Variants in PLPP1 observed in about 807,000 individuals in gnomAD.
PLPP1 encodes the protein phospholipid phosphatase 1, also known as lipid phosphate phosphohydrolase 1a.
PLPP1 carries 24 observed loss-of-function variants against 31.2 expected under a neutral mutation model. The ratio of observed to expected loss-of-function variants is 0.77; its 90% CI spans 0.56 to 1.08. The LOEUF (loss-of-function observed/expected upper bound fraction) is 1.08. Ranked by LOEUF, PLPP1 falls within the 50% of genes least tolerant of loss-of-function variation. PLPP1 has a pLI of 0.00. For missense variants in PLPP1, 319 were observed against 342.7 expected (o/e 0.93, Z 0.55); for synonymous variants, 146 against 126.3 (o/e 1.16, Z -1.05).
intron 4 of PLPP1, among the ~76,000 whole-genome samples, chr5:55,436,967 T>A (rs1751506584): frequency 6.6e-6 from 1 of 152,164 alleles, no homozygotes; most frequent in African/African-American, 2.4e-5. Flanking sequence ...AATGACCTAA[T>A]AAGAGATCCA....
chr5:55,519,196 A>G lies in PLPP1; in HGVS notation c.58+15376T>C, dbSNP rs112701023. 5.9e-3 allele frequency among the ~76,000 whole-genome samples: 897 copies of G among 152,346 alleles called. 8 individuals are homozygous for G. The highest frequency in any genetic ancestry group is 0.021 in the African/African-American group (863 of 41,580). ...TAATATAGATATCCACACTAGCCAT[A>G]AAGTTGAACATTATCCATAACCTGC... On this transcript the variant is annotated intron_variant, in intron 1 of 5. Transcript: ENST00000307259.
At position 55,475,402 on chromosome 5, in the gene PLPP1, C is replaced by T. The variant is rs528267787; in HGVS notation, c.107G>A (p.Arg36Gln). The change falls in exon 2 of 6, where the codon CGA becomes CAA. Residue 36 changes from arginine (R) to glutamine (Q), a missense_variant. By Grantham distance (43) the Arg-to-Gln change is conservative. Coordinates refer to ENST00000307259, the MANE Select transcript of PLPP1 (RefSeq NM_003711.4). ...ILTSRHTPFQ[R>Q]GVFCNDESIK... ...GGACTCATCATTACAGAATACTCCT[C>T]GTTGGAAGGGGGTATGCCTTGAAGT... is the stretch of plus-strand genomic sequence containing the variant. 738 of 1,612,448 alleles carry T rather than the reference C, an allele frequency of 4.6e-4. 6 individuals carry two copies. The South Asian group carries it at 7.5e-3, about 16-fold the overall frequency.
chr5:55,434,810 G>A (rs550711922), intron 4 of PLPP1, among the ~76,000 whole-genome samples: 1 of 152,240 alleles, frequency 6.6e-6, no homozygotes, highest in East Asian at 1.9e-4. Context: ...ACTAATCAAA[G>A]AAAACATAGG....
intron 3 of PLPP1, among the ~76,000 whole-genome samples, chr5:55,454,940 C>T (rs1751972442): frequency 6.6e-6 from 1 of 152,172 alleles, no homozygotes; most frequent in Non-Finnish European, 1.5e-5. Flanking sequence ...TACGTAAGTA[C>T]CACACCCAGC....
chr5:55,486,872 C>A (rs1442152876), intron 1 of PLPP1, among the ~76,000 whole-genome samples: 1 of 151,798 alleles, frequency 6.6e-6, no homozygotes, highest in Non-Finnish European at 1.5e-5. Context: ...AAAATCGCAC[C>A]ATTGCACTCC....
chr5:55,482,203 G>GACACAC (rs112327602), intron 1 of PLPP1, among the ~76,000 whole-genome samples: 6 of 144,508 alleles, frequency 4.2e-5, no homozygotes, highest in East Asian at 4.0e-4. Flanking sequence ...TACACACACA[G>GACACAC]ACACACACAC....
At chr5:55,461,071 C>T (rs1022931334) in intron 3 of PLPP1, among the ~76,000 whole-genome samples, 4 of 152,034 alleles carry the variant, frequency 2.6e-5, no homozygotes, top group Non-Finnish European at 4.4e-5. Context: ...TGGCGCACAC[C>T]TGTAGTCTCA....
intron 1 of PLPP1, among the ~76,000 whole-genome samples, chr5:55,480,582 CATA>C (rs556425930): frequency 1.9e-3 from 294 of 152,132 alleles, no homozygotes; most frequent in Non-Finnish European, 2.8e-3. Context: ...TATCACTCAG[CATA>C]ATGTTTTCGA....
intron 1 of PLPP1, among the ~76,000 whole-genome samples, chr5:55,526,167 C>T (rs1231086536): frequency 6.6e-6 from 1 of 151,806 alleles, no homozygotes; most frequent in East Asian, 1.9e-4. Context: ...CTGAGTAACA[C>T]ATTGGAAAGT....
At chr5:55,440,122 ATC>A (rs1211076869) in intron 4 of PLPP1, among the ~76,000 whole-genome samples, 2 of 152,204 alleles carry the variant, frequency 1.3e-5, no homozygotes, top group Non-Finnish European at 2.9e-5. Flanking sequence ...TAAAATGCAA[ATC>A]ATCATCAAGA....
In PLPP1 at chr5:55,424,996, G is replaced by A. The variant is rs1404929907; in HGVS notation, c.*210C>T. On this transcript the variant is annotated 3_prime_UTR_variant, in exon 6 of 6. Transcript: ENST00000307259. ...AGGTGGGGCACTGTTTTGGTGGAAGGCTTGGAGTTTTTTTAATGAGTTTAG... is the reference window on the plus strand; with the variant it reads ...AGGTGGGGCACTGTTTTGGTGGAAGACTTGGAGTTTTTTTAATGAGTTTAG... 2.8e-6 allele frequency: 2 copies of A among 708,574 alleles called. No homozygotes were observed. The highest frequency in any genetic ancestry group is 4.5e-6 in the Non-Finnish European group (2 of 440,970). The allele number at this position is 708,574 out of a possible 1,614,324, so 43.9% of individuals were successfully genotyped here.
At chr5:55,521,814 C>G (rs1198621838) in intron 1 of PLPP1, among the ~76,000 whole-genome samples, 1 of 152,136 alleles carries the variant, frequency 6.6e-6, no homozygotes, top group East Asian at 1.9e-4. Context: ...GAGGCTAATA[C>G]TATGTACCTC....
intron 3 of PLPP1, among the ~76,000 whole-genome samples, chr5:55,442,550 G>T (rs1380925379): frequency 6.6e-6 from 1 of 151,862 alleles, no homozygotes; most frequent in Admixed American, 6.6e-5. Context: ...TACTCGGGAG[G>T]CTGAGGCAGA....
chr5:55,478,735 G>C (rs1226044602), intron 1 of PLPP1, among the ~76,000 whole-genome samples: 4 of 152,160 alleles, frequency 2.6e-5, no homozygotes, highest in African/African-American at 9.7e-5. Flanking sequence ...ACATCAGAAA[G>C]AGGGGGCATA....
At chr5:55,462,207 A>C (rs1463873086) in intron 3 of PLPP1, among the ~76,000 whole-genome samples, 1 of 152,224 alleles carries the variant, frequency 6.6e-6, no homozygotes, top group Non-Finnish European at 1.5e-5. Flanking sequence ...AGCAAGCTTT[A>C]AAAAGAAGGA....
chr5:55,503,278 T>C (rs372924557), intron 1 of PLPP1, among the ~76,000 whole-genome samples: 36 of 152,342 alleles, frequency 2.4e-4, no homozygotes, highest in African/African-American at 1.7e-4. Context: ...TTATAACATA[T>C]CATGTTCAGT....
At chr5:55,500,081 T>G (rs900197372) in intron 1 of PLPP1, among the ~76,000 whole-genome samples, 11 of 143,354 alleles carry the variant, frequency 7.7e-5, no homozygotes, top group Admixed American at 2.8e-4. Flanking sequence ...CTAAAAATTT[T>G]TTTTTTTTTT....
At chr5:55,451,037 C>T (rs1226498969) in intron 3 of PLPP1, among the ~76,000 whole-genome samples, 1 of 152,164 alleles carries the variant, frequency 6.6e-6, no homozygotes, top group Non-Finnish European at 1.5e-5. Flanking sequence ...ACACCAAGGC[C>T]AAGAACATCT....
At chr5:55,479,217 G>A (rs569986673) in intron 1 of PLPP1, among the ~76,000 whole-genome samples, 2 of 152,140 alleles carry the variant, frequency 1.3e-5, no homozygotes, top group East Asian at 3.9e-4. Flanking sequence ...AGTAGAGATG[G>A]GGTTTCACCA....
Sources: gnomAD v4.1 joint callset for allele counts (sites outside exome capture counted in the v4.1 genomes callset) on GRCh38, gnomAD v4.1.1 for gene constraint, MANE v1.5 for transcripts, NCBI Gene and HGNC (gene_info 2026-07-23, HGNC 2026-07-21) for gene names.